Variants in SFMBT2 observed in about 807,000 individuals in gnomAD.
SFMBT2 encodes Scm like with four mbt domains 2.
Under a neutral mutation model 110.1 loss-of-function variants are expected in SFMBT2, and 38 were observed. That is an observed-to-expected ratio of 0.35 (90% CI 0.27 to 0.45). The LOEUF is 0.45. Among genes scored for constraint, SFMBT2 ranks in the 20% least tolerant of loss-of-function variants. The pLI is 1.00. For synonymous variants in SFMBT2, 425 were observed against 425.4 expected (o/e 1.00, Z 0.01); for missense variants, 1,011 against 1,094.9 (o/e 0.92, Z 1.08).
At chr10:7,351,246 G>T (rs952311067) in intron 4 of SFMBT2, among the ~76,000 whole-genome samples, 8 of 152,118 alleles carry the variant, frequency 5.3e-5, no homozygotes, top group African/African-American at 1.9e-4. Context: ...TTTCATGGGG[G>T]CTTTGTTCCT....
intron 4 of SFMBT2, among the ~76,000 whole-genome samples, chr10:7,320,155 T>A (rs539212228): frequency 3.0e-4 from 45 of 152,340 alleles, no homozygotes; most frequent in South Asian, 2.1e-3. Context: ...GCCAGATGCA[T>A]GGCTCATTAC....
At chr10:7,192,527 C>A (rs1440726140) in intron 15 of SFMBT2, among the ~76,000 whole-genome samples, 1 of 152,212 alleles carries the variant, frequency 6.6e-6, no homozygotes, top group African/African-American at 2.4e-5. Flanking sequence ...TAGCCCAGGA[C>A]AAATGCTCAG....
At chr10:7,360,338 G>A (rs551484008) in intron 4 of SFMBT2, among the ~76,000 whole-genome samples, 7 of 152,098 alleles carry the variant, frequency 4.6e-5, no homozygotes, top group African/African-American at 1.7e-4. Flanking sequence ...ATGGTGGTGC[G>A]TGCCTGTAGT....
In SFMBT2 at chr10:7,170,902, C is replaced by A. The variant is rs1260757262; in HGVS notation, c.2544+26G>T. ...AGATGCAGAGTCTCAGCACATCAAA[C>A]AATCGACACGCGGCAACCACCGTAC... On this transcript the variant is annotated intron_variant, in intron 20 of 20. Coordinates refer to ENST00000397167, the MANE Select transcript of SFMBT2 (RefSeq NM_001387889.1). The surrounding 1 kb of genome is among the most constrained non-coding windows in gnomAD (Gnocchi z 4.6). 1.2e-6 allele frequency: 2 copies of A among 1,613,798 alleles called. No individual in the cohort carries two copies. The highest frequency in any genetic ancestry group is 1.1e-5 in the South Asian group (1 of 91,066).
In SFMBT2 at chr10:7,215,822, G is replaced by A. The variant is rs372859227; in HGVS notation, c.1330+4589C>T. 1.0e-4 allele frequency: 72 copies of A among 712,228 alleles called. No homozygotes were observed. The East Asian group carries it at 3.8e-3, about 38-fold the overall frequency. The allele number at this position is 712,228 out of a possible 1,614,324, so 44.1% of individuals were successfully genotyped here. A position where few individuals can be genotyped will look rare whatever the true frequency, so the allele number is the denominator to read the frequency against. The stretch of plus-strand genomic sequence containing the variant: ...TACTAGGGATGGCTCCCCGTGCATC[G>A]AACACAGTAGACAAACTCGCTAGGC... On this transcript the variant is annotated intron_variant, in intron 11 of 20. Coordinates refer to ENST00000397167, the MANE Select transcript of SFMBT2 (RefSeq NM_001387889.1).
intron 1 of SFMBT2, among the ~76,000 whole-genome samples, chr10:7,405,435 C>A (rs77836410): frequency 0.036 from 5,497 of 152,316 alleles, 129 homozygotes; most frequent in African/African-American, 0.064. Context: ...CTCTACCCTT[C>A]GCCTTTTCCA....
intron 4 of SFMBT2, among the ~76,000 whole-genome samples, chr10:7,303,755 C>T (rs931371830): frequency 2.0e-5 from 3 of 151,984 alleles, no homozygotes; most frequent in Admixed American, 6.6e-5. Flanking sequence ...TATTTTCTGC[C>T]GGAAGAGAAA....
At chr10:7,200,627 A>C (rs752179175) in intron 13 of SFMBT2, 143 bp from the exon 14 acceptor site, 6 of 574,878 alleles carry the variant, frequency 1.0e-5, no homozygotes, top group Non-Finnish European at 1.7e-5. Context: ...GTATGGGAGC[A>C]ATGCCAGTAA....
Position 7,243,598 on chromosome 10 carries a change from C to T in SFMBT2, c.1080G>A (p.Gln360=), listed in dbSNP as rs1265696127. The T allele has an allele frequency of 1.1e-6, 1 of 872,948 alleles. No homozygotes were observed. Among genetic ancestry groups the T allele is most frequent in the Non-Finnish European group, 2.0e-6 (1 of 501,680 alleles). 54.1% of individuals were successfully genotyped at this position (872,948 alleles called of 1,614,324 possible). Residue 360 remains glutamine (Q), a synonymous_variant, in exon 9 of 21, where the codon CAG becomes CAA. Coordinates refer to ENST00000397167, the MANE Select transcript of SFMBT2 (RefSeq NM_001387889.1). ...HADSLGILPV[Q]WCLKNGVSLT... is the part of the protein sequence containing the mutation. Reference sequence around the variant, plus strand: ...GGCTGACTCCATTTTTAAGGCACCACTGTACTGGCAAAATCCCCAAAGAAT... The same window carrying T: ...GGCTGACTCCATTTTTAAGGCACCATTGTACTGGCAAAATCCCCAAAGAAT...
chr10:7,320,715 T>C (rs947688126), intron 4 of SFMBT2: 1 of 637,494 alleles, frequency 1.6e-6, no homozygotes, highest in Non-Finnish European at 2.0e-6. Flanking sequence ...CCTCAGTGTT[T>C]TGCGGGCTGA....
At position 7,162,962 on chromosome 10, in the gene SFMBT2, G is replaced by T. The variant is rs557820596; in HGVS notation, c.*808C>A. 6.5e-6 allele frequency: 1 copy of T among 152,774 alleles called. No homozygotes were observed. The highest frequency in any genetic ancestry group is 2.1e-4 in the South Asian group (1 of 4,860). The allele number at this position is 152,774 out of a possible 1,614,324, so 9.5% of individuals were successfully genotyped here. A position where few individuals can be genotyped will look rare whatever the true frequency, so the allele number is the denominator to read the frequency against. ...TACCAAAAATACAAAAATTAGCCAG[G>T]CATGGTGGTGGGTGCCTGTAATCCC... On this transcript the variant is annotated 3_prime_UTR_variant, in exon 21 of 21. Coordinates refer to ENST00000397167, the MANE Select transcript of SFMBT2 (RefSeq NM_001387889.1).
At chr10:7,269,741 T>G (rs1841519347) in intron 7 of SFMBT2, among the ~76,000 whole-genome samples, 1 of 151,354 alleles carries the variant, frequency 6.6e-6, no homozygotes, top group African/African-American at 2.4e-5. Flanking sequence ...TGTGTGTGTG[T>G]GTGTGTGTGT....
rs939398905 is a variant in SFMBT2 at position 7,170,238 on chromosome 10, C to T, written c.2544+690G>A. 6.6e-6 allele frequency among the ~76,000 whole-genome samples: 1 copy of T among 152,216 alleles called. No homozygotes were observed. The highest frequency in any genetic ancestry group is 1.5e-5 in the Non-Finnish European group (1 of 68,030). On this transcript the variant is annotated intron_variant, in intron 20 of 20. Coordinates refer to ENST00000397167, the MANE Select transcript of SFMBT2 (RefSeq NM_001387889.1). This position sits in a 1 kb window ranked among gnomAD's most constrained non-coding sequence, Gnocchi z 4.6. ...TTGCTGTTTGTGTGTGAGCTTCATG[C>T]CCCTGAGACTTGGAGCTGAAGAAGC...
intron 4 of SFMBT2, among the ~76,000 whole-genome samples, chr10:7,342,610 C>CGTGTTAGGCAGG (rs1018103775): frequency 1.3e-5 from 2 of 151,900 alleles, no homozygotes; most frequent in Non-Finnish European, 2.9e-5. Context: ...AGGGTTTCAC[C>CGTGTTAGGCAGG]ATGGTCTCGA....
At chr10:7,266,368 G>A (rs1841392129) in intron 7 of SFMBT2, among the ~76,000 whole-genome samples, 1 of 152,212 alleles carries the variant, frequency 6.6e-6, no homozygotes, top group African/African-American at 2.4e-5. Context: ...GGGATTACAG[G>A]CATGAGCCAC....
At position 7,411,000 on chromosome 10, in the gene SFMBT2, G is replaced by A. The variant is rs1239661493; in HGVS notation, c.-191C>T. Among the ~76,000 whole-genome samples the A allele has an allele frequency of 2.0e-5, 3 of 149,094 alleles. No homozygotes were observed. Among genetic ancestry groups the A allele is most frequent in the African/African-American group, 5.0e-5 (2 of 40,146 alleles). ...GCCGCCTCCCTCGCGCGCCCGCTCC[G>A]GTCCTCCGGCTCCCACTACAGCTCA... On this transcript the variant is annotated 5_prime_UTR_variant, in exon 1 of 21. Coordinates refer to ENST00000397167, the MANE Select transcript of SFMBT2 (RefSeq NM_001387889.1).
chr10:7,360,803 G>C (rs895938210), intron 4 of SFMBT2, among the ~76,000 whole-genome samples: 26 of 152,180 alleles, frequency 1.7e-4, no homozygotes, highest in African/African-American at 6.3e-4. Context: ...TACTTGATCA[G>C]ATAGAATTCA....
chr10:7,253,435 A>C (rs1302794549), intron 7 of SFMBT2, among the ~76,000 whole-genome samples: 1 of 152,202 alleles, frequency 6.6e-6, no homozygotes, highest in Non-Finnish European at 1.5e-5. Flanking sequence ...ATTAAACTGC[A>C]GGATATTCAC....
chr10:7,246,095 G>C, intron 8 of SFMBT2: 1 of 947,130 alleles, frequency 1.1e-6, no homozygotes, highest in Non-Finnish European at 1.3e-6. Context: ...AAAGACAGAT[G>C]CACATACCCC....
Sources: allele counts gnomAD v4.1 joint callset (sites outside exome capture counted in the v4.1 genomes callset), GRCh38; gene constraint gnomAD v4.1.1; non-coding constraint Gnocchi (gnomAD v3.1); transcripts MANE v1.5; gene names NCBI Gene and HGNC (gene_info 2026-07-23, HGNC 2026-07-21).